Variants in CLVS1 observed in about 807,000 individuals in gnomAD.
CLVS1 encodes the protein clavesin-1.
CLVS1 carries 10 observed loss-of-function variants against 33.1 expected under a neutral mutation model. The ratio of observed to expected loss-of-function variants is 0.30; its 90% CI spans 0.19 to 0.51. The LOEUF (loss-of-function observed/expected upper bound fraction) is 0.51, where lower values mean the gene tolerates loss of function less well. CLVS1 is among the 20% of genes least tolerant of loss of function. CLVS1 has a pLI of 0.97. For missense variants in CLVS1, 343 were observed against 433.4 expected, an observed-to-expected ratio of 0.79 and a Z score of 1.85; for synonymous variants, 163 against 166.1, an observed-to-expected ratio of 0.98 and a Z score of 0.14.
At chr8:61,341,133 A>G (rs540451860) in intron 2 of CLVS1, among the ~76,000 whole-genome samples, 4 of 152,346 alleles carry the variant, frequency 2.6e-5, no homozygotes, top group African/African-American at 9.6e-5. Flanking sequence ...CTCGTAGGGA[A>G]ACAATAGAAA....
At chr8:61,322,647 G>T (rs188341308) in intron 2 of CLVS1, among the ~76,000 whole-genome samples, 132 of 152,268 alleles carry the variant, frequency 8.7e-4, no homozygotes, top group African/African-American at 3.1e-3. Flanking sequence ...GAAATGGAAA[G>T]ATAGGGCAGC....
intron 2 of CLVS1, among the ~76,000 whole-genome samples, chr8:61,316,545 C>CCTAA (rs1251828130): frequency 1.3e-5 from 2 of 152,026 alleles, no homozygotes; most frequent in Non-Finnish European, 2.9e-5. Context: ...ATTGCTGTAT[C>CCTAA]CTAACTATGA....
At chr8:61,112,187 C>G (rs1805639722) in intron 1 of CLVS1, among the ~76,000 whole-genome samples, 1 of 121,160 alleles carries the variant, frequency 8.3e-6, no homozygotes, top group Non-Finnish European at 1.6e-5. Flanking sequence ...GCTACACACA[C>G]ACACACACAC....
the CLVS1 span, among the ~76,000 whole-genome samples, chr8:61,022,151 G>A: frequency 2.9e-4 from 44 of 152,252 alleles, no homozygotes; most frequent in African/African-American, 9.1e-4. Flanking sequence ...GGTTTTTTAC[G>A]AGTTTAGACA....
chr8:61,406,414 A>G (rs1030055840), intron 3 of CLVS1, among the ~76,000 whole-genome samples: 1 of 152,192 alleles, frequency 6.6e-6, no homozygotes, highest in Non-Finnish European at 1.5e-5. Flanking sequence ...TTCTTTTTAA[A>G]CTAATTCACT....
intron 5 of CLVS1, among the ~76,000 whole-genome samples, chr8:61,485,948 G>A (rs546841493): frequency 1.3e-5 from 2 of 152,244 alleles, no homozygotes; most frequent in East Asian, 3.9e-4. Flanking sequence ...GGCCTTTCGT[G>A]GGGTGGGGGC....
intron 2 of CLVS1, among the ~76,000 whole-genome samples, chr8:61,159,011 G>A (rs1382844021): frequency 6.6e-6 from 1 of 152,098 alleles, no homozygotes; most frequent in Non-Finnish European, 1.5e-5. Context: ...TGGGACTACA[G>A]GCATGAGCCA....
At chr8:61,080,368 A>G (rs748655807) in intron 1 of CLVS1, among the ~76,000 whole-genome samples, 27 of 152,234 alleles carry the variant, frequency 1.8e-4, no homozygotes, top group African/African-American at 2.4e-4. Context: ...CTTAAAAGAT[A>G]AAAGTTAAAG....
At chr8:61,008,268 C>T in the CLVS1 span, among the ~76,000 whole-genome samples, 2 of 151,952 alleles carry the variant, frequency 1.3e-5, no homozygotes, top group African/African-American at 4.8e-5. Flanking sequence ...AATTGGTCAC[C>T]ACACTCATAA....
At chr8:61,430,363 A>C (rs796544598) in intron 3 of CLVS1, among the ~76,000 whole-genome samples, 26 of 152,256 alleles carry the variant, frequency 1.7e-4, no homozygotes, top group Admixed American at 5.2e-4. Context: ...GTTACAAAGC[A>C]CTCTGGGCCC....
the CLVS1 span, among the ~76,000 whole-genome samples, chr8:60,986,645 T>C: frequency 1.3e-5 from 2 of 152,266 alleles, no homozygotes; most frequent in Non-Finnish European, 2.9e-5. Flanking sequence ...TTTAACTACC[T>C]GAAGCGTTCC....
chr8:61,277,462 C>T (rs1809581400), intron 2 of CLVS1, among the ~76,000 whole-genome samples: 1 of 152,128 alleles, frequency 6.6e-6, no homozygotes, highest in Admixed American at 6.5e-5. Context: ...CTGAAGCCCC[C>T]AGTAATGCAG....
chr8:61,490,905 G>A (rs938624379), intron 5 of CLVS1, among the ~76,000 whole-genome samples: 1 of 150,440 alleles, frequency 6.6e-6, no homozygotes, highest in Non-Finnish European at 1.5e-5. Flanking sequence ...AGGTTACAGT[G>A]AGCCGAGATC....
At chr8:61,379,649 C>T (rs1465737208) in intron 3 of CLVS1, among the ~76,000 whole-genome samples, 1 of 152,140 alleles carries the variant, frequency 6.6e-6, no homozygotes, top group Non-Finnish European at 1.5e-5. Context: ...CTAATTGTTA[C>T]ACTTTGAGTT....
the CLVS1 span, among the ~76,000 whole-genome samples, chr8:60,996,837 G>T: frequency 6.6e-6 from 1 of 152,064 alleles, no homozygotes; most frequent in Non-Finnish European, 1.5e-5. Flanking sequence ...ACTCTCCAAG[G>T]CCTCTACATC....
the CLVS1 span, among the ~76,000 whole-genome samples, chr8:61,014,093 T>G: frequency 6.6e-6 from 1 of 151,776 alleles, no homozygotes; most frequent in Non-Finnish European, 1.5e-5. Context: ...GTGTTTTTTT[T>G]TTTTTTTTTT....
chr8:61,040,608 CAT>C, the CLVS1 span, among the ~76,000 whole-genome samples: 21 of 152,062 alleles, frequency 1.4e-4, no homozygotes, highest in South Asian at 2.5e-3. Flanking sequence ...GCATTTTTTT[CAT>C]ATGTTTGTTG....
At chr8:61,395,447 G>A (rs527725259) in intron 3 of CLVS1, among the ~76,000 whole-genome samples, 2 of 152,172 alleles carry the variant, frequency 1.3e-5, no homozygotes, top group South Asian at 4.2e-4. Context: ...ATTGCTAATA[G>A]GCTTTTAACA....
chr8:60,983,648 G>T, the CLVS1 span, among the ~76,000 whole-genome samples: 1 of 152,216 alleles, frequency 6.6e-6, no homozygotes, highest in Non-Finnish European at 1.5e-5. Flanking sequence ...GAGCATCAAG[G>T]TTTATGATGT....
Sources: allele counts gnomAD v4.1 joint callset (sites outside exome capture counted in the v4.1 genomes callset), GRCh38; gene constraint gnomAD v4.1.1; transcripts MANE v1.5; gene names NCBI Gene and HGNC (gene_info 2026-07-23, HGNC 2026-07-21).